The following SOX6 variants were observed in gnomAD, a reference collection of about 807,000 sequenced individuals.
SOX6 encodes the protein SRY-box transcription factor 6.
A neutral mutation model predicts 97.8 loss-of-function variants in SOX6; 11 were observed. The observed-to-expected ratio is 0.11, with a 90% CI of 0.07 to 0.19. The LOEUF is 0.19. Among genes scored for constraint, SOX6 ranks in the 10% least tolerant of loss-of-function variants. The pLI, the probability that SOX6 is intolerant of heterozygous loss-of-function variation, is 1.00. For missense variants in SOX6, 810 were observed against 1,039.5 expected (o/e 0.78, Z 3.04); for synonymous variants, 360 against 371.4 (o/e 0.97, Z 0.35).
intron 1 of SOX6, among the ~76,000 whole-genome samples, chr11:16,447,014 C>G (rs1453149731): frequency 6.8e-6 from 1 of 146,632 alleles, no homozygotes; most frequent in African/African-American, 2.5e-5. Context: ...TTCTTCCATC[C>G]TTTCTTCCTC....
intron 1 of SOX6, among the ~76,000 whole-genome samples, chr11:16,473,521 A>G (rs1409075385): frequency 2.7e-5 from 4 of 150,698 alleles, no homozygotes; most frequent in Non-Finnish European, 5.9e-5. Flanking sequence ...TAGTTGCTGA[A>G]GGTTGGAGTG....
intron 12 of SOX6, among the ~76,000 whole-genome samples, chr11:16,032,143 A>G (rs1324993622): frequency 6.6e-6 from 1 of 152,158 alleles, no homozygotes; most frequent in African/African-American, 2.4e-5. Context: ...TGAGCATTTT[A>G]GGCTCAGTGT....
At chr11:16,207,587 C>G (rs576666371) in intron 4 of SOX6, among the ~76,000 whole-genome samples, 4 of 125,612 alleles carry the variant, frequency 3.2e-5, no homozygotes, top group African/African-American at 1.2e-4. Context: ...GAGCGAGACT[C>G]CATCTCAAAA....
chr11:16,032,089 T>C (rs1436068121), intron 12 of SOX6, among the ~76,000 whole-genome samples: 1 of 152,172 alleles, frequency 6.6e-6, no homozygotes, highest in Non-Finnish European at 1.5e-5. Context: ...TAAGAGTAAC[T>C]ACTTCTTCCA....
intron 6 of SOX6, among the ~76,000 whole-genome samples, chr11:16,163,907 C>T (rs965808949): frequency 3.3e-5 from 5 of 152,198 alleles, no homozygotes; most frequent in African/African-American, 1.2e-4. Flanking sequence ...GCTAGTTCTA[C>T]TTAAGGCCCT....
chr11:16,690,796 A>G (rs1219112331), intron 3 of SOX6, among the ~76,000 whole-genome samples: 1 of 152,224 alleles, frequency 6.6e-6, no homozygotes, highest in Non-Finnish European at 1.5e-5. Context: ...GGCTGTGAGT[A>G]TTAAATTGGT....
chr11:16,012,077 AG>A (rs1435255703), intron 13 of SOX6, among the ~76,000 whole-genome samples: 1 of 152,068 alleles, frequency 6.6e-6, no homozygotes, highest in African/African-American at 2.4e-5. Context: ...GGCACATGGT[AG>A]GCACTCAAGA....
intron 1 of SOX6, among the ~76,000 whole-genome samples, chr11:16,429,625 A>T (rs1859228226): frequency 1.3e-5 from 2 of 152,156 alleles, no homozygotes. Context: ...GAGCTAAATG[A>T]TGAAAACACA....
At chr11:16,551,689 C>T (rs12793714) in intron 4 of SOX6, among the ~76,000 whole-genome samples, 22,723 of 151,992 alleles carry the variant, frequency 0.15, 1,783 homozygotes, top group Non-Finnish European at 0.16. Flanking sequence ...CTTCAACCTC[C>T]GCCTCCCGGG....
intron 2 of SOX6, among the ~76,000 whole-genome samples, chr11:16,734,949 G>C (rs1414848802): frequency 6.6e-6 from 1 of 152,156 alleles, no homozygotes; most frequent in Non-Finnish European, 1.5e-5. Context: ...GGATTATTGA[G>C]ATCAGAATAT....
At chr11:16,536,205 A>C (rs1861305209) in intron 4 of SOX6, among the ~76,000 whole-genome samples, 1 of 152,240 alleles carries the variant, frequency 6.6e-6, no homozygotes, top group East Asian at 1.9e-4. Context: ...TTGAAATAAT[A>C]TCTCTCTTCA....
chr11:16,278,784 T>C (rs544050480), intron 3 of SOX6, among the ~76,000 whole-genome samples: 3 of 152,186 alleles, frequency 2.0e-5, no homozygotes, highest in East Asian at 1.9e-4. Flanking sequence ...AAAATTCTTA[T>C]AGATTATTAA....
chr11:16,284,036 C>G, intron 3 of SOX6: 1 of 237,754 alleles, frequency 4.2e-6, no homozygotes, highest in Non-Finnish European at 8.3e-6. Flanking sequence ...TTTCTTCTTA[C>G]ATTAATATTT....
chr11:16,298,123 G>A (rs894107291), intron 3 of SOX6, among the ~76,000 whole-genome samples: 2 of 152,030 alleles, frequency 1.3e-5, no homozygotes, highest in South Asian at 2.1e-4. Context: ...ACTAATATAC[G>A]TTCTTCTGAC....
intron 9 of SOX6, among the ~76,000 whole-genome samples, chr11:16,083,430 C>T (rs1224916985): frequency 3.9e-5 from 6 of 152,226 alleles, no homozygotes; most frequent in African/African-American, 1.2e-4. Context: ...ACTTTTAATG[C>T]CTTACTTTGT....
At chr11:16,738,104 C>T (rs1016149221) in intron 1 of SOX6, among the ~76,000 whole-genome samples, 4 of 152,010 alleles carry the variant, frequency 2.6e-5, no homozygotes, top group Non-Finnish European at 4.4e-5. Context: ...CAACATTTAA[C>T]AACATACTGA....
intron 15 of SOX6, among the ~76,000 whole-genome samples, chr11:15,982,808 C>CACAGAT (rs1367839477): frequency 6.6e-6 from 1 of 151,986 alleles, no homozygotes; most frequent in African/African-American, 2.4e-5. Context: ...GTTGAATCCA[C>CACAGAT]ACAGATACAG....
intron 6 of SOX6, among the ~76,000 whole-genome samples, chr11:16,141,699 A>G (rs1380995810): frequency 6.6e-6 from 1 of 152,180 alleles, no homozygotes; most frequent in African/African-American, 2.4e-5. Context: ...GCACACCAGG[A>G]GATTATATTC....
chr11:16,402,768 A>G lies in SOX6; in HGVS notation c.-4-61516T>C, dbSNP rs12279471. 5.8e-3 allele frequency: 9,265 copies of G among 1,606,818 alleles called. 302 individuals carry two copies. In the African/African-American group the frequency reaches 0.079, roughly 14 times the overall value. ...GCTGGCTAGAAATATTAGGAAAAAA[A>G]ACAATCTACTATTGTTACATGAGAC... On this transcript the variant is annotated intron_variant, in intron 1 of 15. Coordinates refer to the SOX6 transcript ENST00000396356.
Sources: allele counts gnomAD v4.1 joint callset (sites outside exome capture counted in the v4.1 genomes callset), GRCh38; gene constraint gnomAD v4.1.1; transcripts MANE v1.5; gene names NCBI Gene and HGNC (gene_info 2026-07-23, HGNC 2026-07-21).